Variants in RPRD2 observed in about 807,000 individuals in gnomAD.
The protein encoded by RPRD2 is regulation of nuclear pre-mRNA domain containing 2, also known as regulation of nuclear pre-mRNA domain-containing protein 2.
RPRD2 carries 12 observed loss-of-function variants against 104.4 expected under a neutral mutation model. The ratio of observed to expected loss-of-function variants is 0.11; its 90% CI spans 0.07 to 0.19. The LOEUF (loss-of-function observed/expected upper bound fraction) is 0.19, where lower values mean the gene tolerates loss of function less well. Ranked by LOEUF, RPRD2 falls within the 10% of genes least tolerant of loss-of-function variation. The probability of loss-of-function intolerance (pLI) is 1.00; values close to 1 mark genes in which losing one functional copy is unlikely to be tolerated. For missense variants in RPRD2, 1,543 were observed against 1,790.1 expected (o/e 0.86, Z 2.49); for synonymous variants, 714 against 684.9 (o/e 1.04, Z -0.66).
At chr1:150,381,293 G>GT (rs1246401363) in intron 1 of RPRD2, among the ~76,000 whole-genome samples, 1 of 151,058 alleles carries the variant, frequency 6.6e-6, no homozygotes, top group Non-Finnish European at 1.5e-5. Flanking sequence ...ATGGTGGCGC[G>GT]TACCTGCAGT....
intron 2 of RPRD2, among the ~76,000 whole-genome samples, chr1:150,432,261 A>C (rs1262377710): frequency 2.0e-5 from 3 of 152,168 alleles, no homozygotes; most frequent in African/African-American, 7.2e-5. Context: ...AGCCAGACAC[A>C]AAAGGACAAA....
At chr1:150,468,887 A>T (rs1400713675) in intron 10 of RPRD2, among the ~76,000 whole-genome samples, 1 of 152,078 alleles carries the variant, frequency 6.6e-6, no homozygotes, top group Non-Finnish European at 1.5e-5. Flanking sequence ...TTGAAAAAAA[A>T]AAAGGAAACT....
intron 1 of RPRD2, among the ~76,000 whole-genome samples, chr1:150,369,663 G>T (rs1452357562): frequency 8.2e-6 from 1 of 121,572 alleles, no homozygotes; most frequent in Non-Finnish European, 1.8e-5. Flanking sequence ...TAGAGACGGG[G>T]TTTCACCGTG....
In RPRD2 at chr1:150,383,306, G is replaced by GTT. The variant is rs1553881149; in HGVS notation, c.205+18406_205+18407dup. On this transcript the variant is annotated intron_variant, in intron 1 of 10. Transcript: ENST00000369068. ...CACGAGACCTGGCCTCAAATAAGAG[G>GTT]TTTTTTTTTTTTTTTTTTTTGGTGA... Among the ~76,000 whole-genome samples the GTT allele has an allele frequency of 5.2e-3, 653 of 126,714 alleles. 14 individuals carry two copies. The highest frequency in any genetic ancestry group is 0.018 in the African/African-American group (572 of 31,994). 83.1% of individuals were successfully genotyped at this position (126,714 alleles called of 152,430 possible).
intron 10 of RPRD2, among the ~76,000 whole-genome samples, chr1:150,468,476 A>G (rs912338835): frequency 2.0e-5 from 3 of 152,216 alleles, no homozygotes; most frequent in Non-Finnish European, 4.4e-5. Context: ...TTATCCCAAA[A>G]TATCTGAAAA....
At chr1:150,384,682 T>TGTGTGTGTG (rs200494207) in intron 1 of RPRD2, among the ~76,000 whole-genome samples, 6 of 125,308 alleles carry the variant, frequency 4.8e-5, no homozygotes, top group Non-Finnish European at 8.4e-5. Context: ...TGTGTGTGTG[T>TGTGTGTGTG]TTTTAGTAGA....
chr1:150,448,128 T>G (rs1553895886), intron 7 of RPRD2, among the ~76,000 whole-genome samples: 2 of 152,196 alleles, frequency 1.3e-5, no homozygotes, highest in African/African-American at 4.8e-5. Flanking sequence ...CATCTATCCC[T>G]TCAATTTTCC....
Position 150,369,709 on chromosome 1 carries a change from A to G in RPRD2, c.205+4790A>G, listed in dbSNP as rs1660153489. On this transcript the variant is annotated intron_variant, in intron 1 of 10. Transcript: ENST00000369068. ...CCTGACCTCATGATCCGCCCGCCTC[A>G]GCCTCCCAAAGTGCTGGGATTACAG... Among the ~76,000 whole-genome samples the G allele has an allele frequency of 3.4e-5, 5 of 145,716 alleles. No homozygotes were observed. In the Admixed American group the frequency reaches 3.5e-4, roughly 10 times the overall value.
chr1:150,444,020 A>T (rs587600829), intron 5 of RPRD2, among the ~76,000 whole-genome samples: 163 of 152,318 alleles, frequency 1.1e-3, no homozygotes, highest in Middle Eastern at 3.4e-3. Flanking sequence ...TCCATTTCAA[A>T]AAATAAATAA....
At chr1:150,385,269 T>G (rs981576596) in intron 1 of RPRD2, among the ~76,000 whole-genome samples, 3 of 152,014 alleles carry the variant, frequency 2.0e-5, no homozygotes, top group Middle Eastern at 3.4e-3. Flanking sequence ...TGAGATCAGC[T>G]GGGGCAACAT....
intron 7 of RPRD2, among the ~76,000 whole-genome samples, chr1:150,451,372 T>C (rs970252367): frequency 6.6e-6 from 1 of 152,040 alleles, no homozygotes; most frequent in African/African-American, 2.4e-5. Flanking sequence ...GTGATTGTTA[T>C]GGGTTAAATT....
At chr1:150,450,863 G>A (rs1367645210) in intron 7 of RPRD2, among the ~76,000 whole-genome samples, 2 of 151,798 alleles carry the variant, frequency 1.3e-5, no homozygotes, top group African/African-American at 2.4e-5. Flanking sequence ...CACCTGCCTC[G>A]GCCTCTTAAG....
At chr1:150,384,450 C>CATCATCATCATTATTATTATT (rs1553881396) in intron 1 of RPRD2, among the ~76,000 whole-genome samples, 1 of 132,356 alleles carries the variant, frequency 7.6e-6, no homozygotes. Flanking sequence ...GCATCATCAT[C>CATCATCATCATTATTATTATT]ATTATTATTA....
intron 2 of RPRD2, among the ~76,000 whole-genome samples, chr1:150,433,837 ATATGT>A (rs1371495858): frequency 6.9e-6 from 1 of 145,170 alleles, no homozygotes; most frequent in African/African-American, 2.5e-5. Context: ...AATATACATA[ATATGT>A]TATATATATG....
At chr1:150,397,088 CT>C (rs1309197833) in intron 1 of RPRD2, among the ~76,000 whole-genome samples, 1 of 152,092 alleles carries the variant, frequency 6.6e-6, no homozygotes, top group Non-Finnish European at 1.5e-5. Context: ...ATTCTCCTAC[CT>C]CAGTCTCCTG....
At chr1:150,448,293 C>T (rs1276451243) in intron 7 of RPRD2, among the ~76,000 whole-genome samples, 1 of 152,060 alleles carries the variant, frequency 6.6e-6, no homozygotes, top group African/African-American at 2.4e-5. Context: ...CTCAGCCTCC[C>T]GAGTAGCTGG....
intron 2 of RPRD2, among the ~76,000 whole-genome samples, chr1:150,427,629 TCC>T: frequency 6.6e-6 from 1 of 152,050 alleles, no homozygotes; most frequent in Admixed American, 6.6e-5. Flanking sequence ...CAAGACCCCA[TCC>T]CTACAATAAA....
intron 2 of RPRD2, among the ~76,000 whole-genome samples, chr1:150,439,246 C>G (rs1300681287): frequency 1.3e-5 from 2 of 152,206 alleles, no homozygotes; most frequent in African/African-American, 2.4e-5. Context: ...ATCTTACAGT[C>G]TTTTTCTTCT....
chr1:150,447,963 C>G (rs11577751), intron 7 of RPRD2, among the ~76,000 whole-genome samples: 12,465 of 152,148 alleles, frequency 0.082, 674 homozygotes, highest in Non-Finnish European at 0.12. Flanking sequence ...TATACTCACC[C>G]GCCTTTCTCC....
Sources: allele counts gnomAD v4.1 joint callset (sites outside exome capture counted in the v4.1 genomes callset), GRCh38; gene constraint gnomAD v4.1.1; transcripts MANE v1.5; gene names NCBI Gene and HGNC (gene_info 2026-07-23, HGNC 2026-07-21).